Variants in LMNB2 observed in about 807,000 individuals in gnomAD.
LMNB2 encodes the protein lamin B2, also known as lamin-B2.
A neutral mutation model predicts 69.3 loss-of-function variants in LMNB2; 17 were observed. That is an observed-to-expected ratio of 0.25 (90% CI 0.17 to 0.37). The LOEUF (loss-of-function observed/expected upper bound fraction) is 0.37. LMNB2 is among the 10% of genes least tolerant of loss of function. The pLI is 1.00. For synonymous variants in LMNB2, 397 were observed against 389.3 expected (o/e 1.02, Z -0.23); for missense variants, 789 against 883.6 (o/e 0.89, Z 1.36).
In LMNB2 at chr19:2,453,362, A is replaced by AG. The variant is rs1972051161; in HGVS notation, c.264+3307dup. ...CCCCCATCCTGCCAGCCTGAGCCTG[A>AG]GGCTGCTCTCTGAACCCCACGTGGC... On this transcript the variant is annotated intron_variant, in intron 1 of 11. Transcript: ENST00000325327. This position sits in a 1 kb window ranked among gnomAD's most constrained non-coding sequence, Gnocchi z 4.4. Among the ~76,000 whole-genome samples, 1 of 150,972 alleles carries AG rather than the reference A, an allele frequency of 6.6e-6. No individual in the cohort carries two copies. The highest frequency in any genetic ancestry group is 2.4e-5 in the African/African-American group (1 of 40,960).
rs1025863111 is a variant in LMNB2 at position 2,430,344 on chromosome 19, A to C, written c.*567T>G. ...GGGAATCTGGAAGCCCAGGCAGCGG[A>C]GTGAAAACCCGCCCTGGGGGCCACG... On this transcript the variant is annotated 3_prime_UTR_variant, in exon 12 of 12. Coordinates refer to ENST00000325327, the MANE Select transcript of LMNB2 (RefSeq NM_032737.4). The C allele has an allele frequency of 1.7e-5, 3 of 171,782 alleles. No individual in the cohort carries two copies. Among genetic ancestry groups the C allele is most frequent in the East Asian group, 1.6e-4 (1 of 6,394 alleles). 10.6% of individuals were successfully genotyped at this position (171,782 alleles called of 1,614,324 possible).
intron 8 of LMNB2, among the ~76,000 whole-genome samples, chr19:2,433,349 A>G (rs1312603706): frequency 6.1e-4 from 5 of 8,252 alleles, no homozygotes; most frequent in African/African-American, 2.6e-3. Context: ...CCTGACCCTG[A>G]TCACCCCCAT....
rs759685711 is a variant in LMNB2, at chr19:2,434,274, A to T, written c.1202+21T>A. The T allele has an allele frequency of 1.9e-6, 3 of 1,606,492 alleles. No homozygotes were observed. The Admixed American group carries it at 5.0e-5, about 27-fold the overall frequency. ...CCCCTCCTCCTCACTCTGTGCTCCC[A>T]AGCCTCCTGGCCTGCCGCACCTCTC... On this transcript the variant is annotated intron_variant, in intron 7 of 11. Transcript: ENST00000325327.
rs147516035 is a variant in LMNB2, at chr19:2,452,397, G to A, written c.264+4273C>T. Among the ~76,000 whole-genome samples, 12 of 151,476 alleles carry A rather than the reference G, an allele frequency of 7.9e-5. No individual in the cohort carries two copies. In the East Asian group the frequency reaches 2.3e-3, roughly 30 times the overall value. ...TGCAGTGAGCCAAGATCACGCCACT[G>A]CACACCAGCCTGGGCGACAGAGAGA... On this transcript the variant is annotated intron_variant, in intron 1 of 11. Coordinates refer to ENST00000325327, the MANE Select transcript of LMNB2 (RefSeq NM_032737.4).
At position 2,432,388 on chromosome 19, in the gene LMNB2, ACCCTCG is replaced by A. The variant is rs759284162; in HGVS notation, c.1590+22_1590+27del. 16 of 1,168,456 alleles carry A rather than the reference ACCCTCG, an allele frequency of 1.4e-5. No individual in the cohort carries two copies. In the South Asian group the frequency reaches 2.5e-4, roughly 18 times the overall value. 72.4% of individuals were successfully genotyped at this position (1,168,456 alleles called of 1,614,324 possible). On this transcript the variant is annotated intron_variant, in intron 9 of 11. Transcript: ENST00000325327. ...CCCACCTCACACCCCATCCGTGGCC[ACCCTCG>A]CCCTCCTGCCCCACCACCTACCGTG...
Position 2,447,585 on chromosome 19 carries a change from C to T in LMNB2, c.265-3045G>A, listed in dbSNP as rs1049748804. The stretch of plus-strand genomic sequence containing the variant: ...CGGGAATTAACTGCTCCGGCTCTGG[C>T]GCTGAGGAAAAGGAGGACCGGAGGA... On this transcript the variant is annotated intron_variant, in intron 1 of 11. Transcript: ENST00000325327. The surrounding 1 kb of genome is among the most constrained non-coding windows in gnomAD (Gnocchi z 4.4). 3.3e-5 allele frequency among the ~76,000 whole-genome samples: 5 copies of T among 152,146 alleles called. No individual in the cohort carries two copies. The highest frequency in any genetic ancestry group is 4.4e-5 in the Non-Finnish European group (3 of 68,028).
chr19:2,450,121 C>CATATACATATACATATACATAT lies in LMNB2; in HGVS notation c.265-5582_265-5581insATATGTATATGTATATGTATAT, dbSNP rs1972004089. Among the ~76,000 whole-genome samples, 152 of 142,412 alleles carry CATATACATATACATATACATAT rather than the reference C, an allele frequency of 1.1e-3. 1 individual carries two copies. The highest frequency in any genetic ancestry group is 3.8e-3 in the African/African-American group (144 of 38,216). The allele number at this position is 142,412 out of a possible 152,430, so 93.4% of individuals were successfully genotyped here. A position where few individuals can be genotyped will look rare whatever the true frequency, so the allele number is the denominator to read the frequency against. ...ATATACATATACATATATATATACACATATATATATATATTCCATTAAAAC... is the reference window on the plus strand; with the variant it reads ...ATATACATATACATATATATATACACATATACATATACATATACATATATATATATATATATTCCATTAAAAC... On this transcript the variant is annotated intron_variant, in intron 1 of 11. Transcript: ENST00000325327.
intron 8 of LMNB2, 60 bp downstream of exon 8, chr19:2,433,766 C>CTG: frequency 6.3e-7 from 1 of 1,599,396 alleles, no homozygotes. Flanking sequence ...CACCCTGACC[C>CTG]TGGTCACCCC....
chr19:2,431,487 G>A (rs1310438553), intron 11 of LMNB2, 61 bp downstream of exon 11: 5 of 1,608,830 alleles, frequency 3.1e-6, no homozygotes, highest in Middle Eastern at 1.7e-4. Context: ...GTATGTGTGT[G>A]CACGAGCTCA....
At position 2,443,126 on chromosome 19, in the gene LMNB2, C is replaced by T. The variant is rs1971916291; in HGVS notation, c.401+1278G>A. Among the ~76,000 whole-genome samples, 1 of 152,206 alleles carries T rather than the reference C, an allele frequency of 6.6e-6. No homozygotes were observed. Among genetic ancestry groups the T allele is most frequent in the Admixed American group, 6.5e-5 (1 of 15,282 alleles). Reference sequence around the variant, plus strand: ...GAGCAGGTCCCGGGGTGCACCTGTGCTGTGTGGGATGTGCTGAGAGTGGGC... The same window carrying T: ...GAGCAGGTCCCGGGGTGCACCTGTGTTGTGTGGGATGTGCTGAGAGTGGGC... On this transcript the variant is annotated intron_variant, in intron 2 of 11. Coordinates refer to ENST00000325327, the MANE Select transcript of LMNB2 (RefSeq NM_032737.4). This position sits in a 1 kb window ranked among gnomAD's most constrained non-coding sequence, Gnocchi z 6.2.
chr19:2,436,210 G>A (rs1324741360), intron 4 of LMNB2, among the ~76,000 whole-genome samples: 2 of 152,060 alleles, frequency 1.3e-5, no homozygotes, highest in Admixed American at 1.3e-4. Flanking sequence ...TTGAACCCAG[G>A]AGGCGGAGGT....
At chr19:2,442,100 G>A (rs570480137) in intron 2 of LMNB2, among the ~76,000 whole-genome samples, 12 of 152,282 alleles carry the variant, frequency 7.9e-5, no homozygotes, top group African/African-American at 2.9e-4. Context: ...GGCTTGTTAG[G>A]TCCTGCACGC....
rs1245898611 is a variant in LMNB2, at chr19:2,430,427, G to A, written c.*484C>T. 5 of 239,968 alleles carry A rather than the reference G, an allele frequency of 2.1e-5. No individual in the cohort carries two copies. Among genetic ancestry groups the A allele is most frequent in the Non-Finnish European group, 3.3e-5 (4 of 120,416 alleles). 14.9% of individuals were successfully genotyped at this position (239,968 alleles called of 1,614,324 possible). ...GCTGCCTGAGGAGTTCCCGCTGTCCGAAGCTGGGCAGCCAGAATGCAGGCT... is the reference window on the plus strand; with the variant it reads ...GCTGCCTGAGGAGTTCCCGCTGTCCAAAGCTGGGCAGCCAGAATGCAGGCT... On this transcript the variant is annotated 3_prime_UTR_variant, in exon 12 of 12. Coordinates refer to ENST00000325327, the MANE Select transcript of LMNB2 (RefSeq NM_032737.4).
At chr19:2,432,324 ACCC>A in intron 9 of LMNB2, 89 bp downstream of exon 9, 5 of 464,472 alleles carry the variant, frequency 1.1e-5, no homozygotes, top group African/African-American at 2.2e-5. Context: ...CATCATCCCC[ACCC>A]ACCCCCGCCA....
chr19:2,432,331 C>A, intron 9 of LMNB2, 85 bp downstream of exon 9: 2 of 868,288 alleles, frequency 2.3e-6, no homozygotes, highest in South Asian at 1.3e-5. Flanking sequence ...CCCACCCACC[C>A]CCGCCAAGTC....
At chr19:2,432,074 G>A (rs1678111131) in intron 9 of LMNB2, among the ~76,000 whole-genome samples, 172 bp from the exon 10 acceptor site, 1 of 152,148 alleles carries the variant, frequency 6.6e-6, no homozygotes, top group Admixed American at 6.5e-5. Context: ...GAAGAGACCA[G>A]GGTTCACAGA....
At chr19:2,451,919 G>A (rs1972026412) in intron 1 of LMNB2, among the ~76,000 whole-genome samples, 1 of 151,718 alleles carries the variant, frequency 6.6e-6, no homozygotes, top group African/African-American at 2.4e-5. Flanking sequence ...TGAGCAGCCA[G>A]GGGACACCGG....
Position 2,456,665 on chromosome 19 carries a change from C to A in LMNB2, c.264+5G>T, listed in dbSNP as rs1371255338. 1 of 1,522,614 alleles carries A rather than the reference C, an allele frequency of 6.6e-7. No individual in the cohort carries two copies. 94.3% of individuals were successfully genotyped at this position (1,522,614 alleles called of 1,614,324 possible). The stretch of plus-strand genomic sequence containing the variant: ...CCCGCCCGGCCCCTAAGCCCCGGCG[C>A]CCACCTCGCGCGTGGTCACCTCCTC... On this transcript the variant is annotated splice_donor_5th_base_variant and intron_variant, in intron 1 of 11. Transcript: ENST00000325327.
intron 2 of LMNB2, among the ~76,000 whole-genome samples, chr19:2,440,600 A>G (rs1326202915): frequency 6.6e-6 from 1 of 151,016 alleles, no homozygotes; most frequent in Non-Finnish European, 1.5e-5. Context: ...TCATCTGTCC[A>G]TCTATCCATC....
Sources: allele counts gnomAD v4.1 joint callset (sites outside exome capture counted in the v4.1 genomes callset), GRCh38; gene constraint gnomAD v4.1.1; non-coding constraint Gnocchi (gnomAD v3.1); transcripts MANE v1.5; gene names NCBI Gene and HGNC (gene_info 2026-07-23, HGNC 2026-07-21).